NBPF14: variants seen among roughly 807,000 people sequenced by gnomAD.
NBPF14 encodes the protein NBPF member 14, also known as NBPF family member NBPF14.
In NBPF14, 104 loss-of-function variants were observed where a neutral mutation model predicts 91.2. The ratio of observed to expected loss-of-function variants is 1.14; its 90% CI spans 0.97 to 1.34. The LOEUF (loss-of-function observed/expected upper bound fraction) is 1.34, where lower values mean the gene tolerates loss of function less well. Ranked by LOEUF, NBPF14 falls within the 40% of genes most tolerant of loss-of-function variation. The pLI is 0.00. For synonymous variants in NBPF14, 294 were observed against 303.8 expected (o/e 0.97, Z 0.34); for missense variants, 908 against 783.0 (o/e 1.16, Z -1.91).
chr1:148,587,286 A>T lies in NBPF14; in HGVS notation c.1091+15T>A. 1 of 1,572,286 alleles carries T rather than the reference A, an allele frequency of 6.4e-7. No homozygotes were observed. The highest frequency in any genetic ancestry group is 8.7e-7 in the Non-Finnish European group (1 of 1,150,434). ...CACACCTGCCCCCCTGCCTGCCCCC[A>T]TGGGGTCCCCTCACCTGAGCTCCTC... On this transcript the variant is annotated intron_variant, in intron 8 of 70. Transcript: ENST00000619423.
rs1654641338 is a variant in NBPF14, at chr1:148,534,562, C to A, written c.8614+122G>T. The A allele has an allele frequency of 8.0e-6, 6 of 752,024 alleles. No homozygotes were observed. In the Admixed American group the frequency reaches 1.1e-4, roughly 14 times the overall value. The allele number at this position is 752,024 out of a possible 1,614,324, so 46.6% of individuals were successfully genotyped here. On this transcript the variant is annotated intron_variant, in intron 69 of 70. Coordinates refer to ENST00000619423, the Ensembl canonical transcript of NBPF14. The stretch of plus-strand genomic sequence containing the variant: ...ACAGTTTCATTACAACCTATATGCG[C>A]CCATAGGTCCTGCCTGCGGCAATGA...
intron 28 of NBPF14, 22 bp downstream of exon 28, chr1:148,566,929 GC>G (rs1348477560): frequency 3.7e-6 from 1 of 272,054 alleles, no homozygotes; most frequent in Non-Finnish European, 6.4e-6. Flanking sequence ...CACAGAAGTA[GC>G]TGTTCACAAT....
exon 71 of NBPF14, chr1:148,533,110 C>T (rs1290447255): frequency 2.2e-5 from 19 of 856,880 alleles, no homozygotes; most frequent in Admixed American, 3.5e-5. Context: ...TGTGCTGTTC[C>T]TCAAATGAGT....
intron 69 of NBPF14, 39 bp downstream of exon 69, chr1:148,534,645 C>A (rs1219956201): frequency 9.2e-6 from 8 of 868,750 alleles, no homozygotes; most frequent in South Asian, 2.6e-5. Flanking sequence ...ATCTGGAAGA[C>A]CAGGTGGAGG....
intron 64 of NBPF14, among the ~76,000 whole-genome samples, chr1:148,538,207 C>G (rs1655341585): frequency 9.7e-5 from 7 of 72,266 alleles, no homozygotes; most frequent in Admixed American, 2.9e-4. Context: ...CAGATAGACA[C>G]ACACACACAC....
chr1:148,579,175 G>A (rs1660536301), exon 13 of NBPF14: 3 of 448,366 alleles, frequency 6.7e-6, no homozygotes, highest in African/African-American at 5.6e-5. Flanking sequence ...AATTGAGAGA[G>A]TCGAATAACC....
intron 16 of NBPF14, 123 bp from the exon 17 acceptor site, chr1:148,575,934 G>A: frequency 4.5e-6 from 2 of 448,538 alleles, no homozygotes; most frequent in South Asian, 4.2e-5. Flanking sequence ...CCATTAATGA[G>A]GTAATGAATT....
chr1:148,587,345 C>A (rs1352737803), exon 8 of NBPF14: 1 of 1,582,994 alleles, frequency 6.3e-7, no homozygotes, highest in Non-Finnish European at 8.6e-7. Flanking sequence ...GCTTCTCCTC[C>A]TTGAACTGTC....
At chr1:148,534,639 G>A (rs1421854829) in intron 69 of NBPF14, 45 bp downstream of exon 69, 241 of 877,348 alleles carry the variant, frequency 2.7e-4, no homozygotes, top group African/African-American at 1.9e-3. Flanking sequence ...ACCCCTATCT[G>A]GAAGACCAGG....
chr1:148,538,185 G>T, intron 64 of NBPF14, among the ~76,000 whole-genome samples, 179 bp from the exon 65 acceptor site: 1 of 50,808 alleles, frequency 2.0e-5, no homozygotes, highest in Non-Finnish European at 3.8e-5. Context: ...GGAAAAGAAT[G>T]AAAGAGAAAG....
At chr1:148,579,862 T>C (rs1341725883) in intron 12 of NBPF14, among the ~76,000 whole-genome samples, 2 of 152,108 alleles carry the variant, frequency 1.3e-5, no homozygotes, top group African/African-American at 4.8e-5. Flanking sequence ...GGGACCTGAC[T>C]GTTACAAGGA....
At chr1:148,534,923 T>A (rs1654763156) in intron 68 of NBPF14, 67 bp from the exon 69 acceptor site, 4 of 735,154 alleles carry the variant, frequency 5.4e-6, no homozygotes, top group African/African-American at 4.0e-5. Flanking sequence ...CCCAGCTAGA[T>A]TTCATGGCTA....
rs1655533450 is a variant in NBPF14 at position 148,539,552 on chromosome 1, C to A, written c.7740G>T (p.Glu2580Asp). Residue 2580 changes from glutamate to aspartate, a missense_variant, in exon 63 of 71, where the codon GAG becomes GAT. Physicochemically the swap from Glu to Asp is conservative, Grantham distance 45 (BLOSUM62 2). Coordinates refer to ENST00000619423, the Ensembl canonical transcript of NBPF14. ...CCAGTGAGTCCTGCAAGACTTCAGG[C>A]TCTTTCTCATCCAGCAGCTCCCTGC... 35 of 265,248 alleles carry A rather than the reference C, an allele frequency of 1.3e-4. 2 individuals carry two copies. The highest frequency in any genetic ancestry group is 3.2e-4 in the African/African-American group (2 of 6,160). 16.4% of individuals were successfully genotyped at this position (265,248 alleles called of 1,614,324 possible). A position where few individuals can be genotyped will look rare whatever the true frequency, so the allele number is the denominator to read the frequency against.
At chr1:148,533,454 G>C (rs1424708284) in intron 70 of NBPF14, among the ~76,000 whole-genome samples, 3 of 149,520 alleles carry the variant, frequency 2.0e-5, no homozygotes, top group Non-Finnish European at 4.4e-5. Flanking sequence ...CAGAGAGAGA[G>C]AGACAGAGAC....
intron 12 of NBPF14, among the ~76,000 whole-genome samples, chr1:148,579,900 C>G (rs1319065426): frequency 6.6e-6 from 1 of 152,122 alleles, no homozygotes; most frequent in Non-Finnish European, 1.5e-5. Flanking sequence ...GGAATAGCAT[C>G]AACATCAACA....
intron 36 of NBPF14, among the ~76,000 whole-genome samples, chr1:148,560,250 G>A (rs1244976251): frequency 5.4e-5 from 8 of 148,752 alleles, no homozygotes; most frequent in Non-Finnish European, 1.2e-4. Context: ...GGAGTCAAAG[G>A]ACACTCTGAG....
At chr1:148,591,234 A>G in intron 5 of NBPF14, among the ~76,000 whole-genome samples, 198 bp downstream of exon 5, 1 of 148,622 alleles carries the variant, frequency 6.7e-6, no homozygotes, top group East Asian at 1.9e-4. Context: ...CTATCCCTGT[A>G]TGGTACAGAC....
At position 148,559,982 on chromosome 1, in the gene NBPF14, A is replaced by C. The variant is rs1386282133; in HGVS notation, c.4557-17T>G. Reference sequence around the variant, plus strand: ...CTGCTGAGCCTGGAAAAGTGGAAAAAAGTAAAGAATAAGCCAGGGGGAATC... The same window carrying C: ...CTGCTGAGCCTGGAAAAGTGGAAAACAGTAAAGAATAAGCCAGGGGGAATC... On this transcript the variant is annotated splice_polypyrimidine_tract_variant and intron_variant, in intron 36 of 70. Coordinates refer to ENST00000619423, the Ensembl canonical transcript of NBPF14. 10 of 1,219,400 alleles carry C rather than the reference A, an allele frequency of 8.2e-6. No individual in the cohort carries two copies. The highest frequency in any genetic ancestry group is 1.2e-5 in the Non-Finnish European group (10 of 855,456). 75.5% of individuals were successfully genotyped at this position (1,219,400 alleles called of 1,614,324 possible).
At chr1:148,557,029 AT>A (rs1157793752) in intron 40 of NBPF14, among the ~76,000 whole-genome samples, 167 bp from the exon 41 acceptor site, 16 of 102,870 alleles carry the variant, frequency 1.6e-4, no homozygotes, top group Non-Finnish European at 2.3e-4. Flanking sequence ...ACAGGGCCAA[AT>A]GGAAAAGAAT....
Sources: allele counts gnomAD v4.1 joint callset (sites outside exome capture counted in the v4.1 genomes callset), GRCh38; gene constraint gnomAD v4.1.1; transcripts MANE v1.5; gene names NCBI Gene and HGNC (gene_info 2026-07-23, HGNC 2026-07-21).